Variants in PLEKHA7 observed in about 807,000 individuals in gnomAD.
PLEKHA7 encodes the protein pleckstrin homology domain-containing family A member 7.
A neutral mutation model predicts 170.0 loss-of-function variants in PLEKHA7; 104 were observed. The ratio of observed to expected loss-of-function variants is 0.61; its 90% CI spans 0.52 to 0.72. The LOEUF is 0.72. Ranked by LOEUF, PLEKHA7 falls within the 30% of genes least tolerant of loss-of-function variation. The probability of loss-of-function intolerance (pLI) is 0.00; values close to 1 mark genes in which losing one functional copy is unlikely to be tolerated. For synonymous variants in PLEKHA7, 648 were observed against 660.8 expected (o/e 0.98, Z 0.30); for missense variants, 1,615 against 1,671.7 (o/e 0.97, Z 0.59).
rs1305503283 is a variant in PLEKHA7 at position 16,906,575 on chromosome 11, G to C, written c.222-35393C>G. ...TAACCGCGAGTGATCTGCCAGCCTC[G>C]GCCTCCCGAGGTGCCGGGATGGCAG... On this transcript the variant is annotated intron_variant, in intron 3 of 26. Transcript: ENST00000531066. Among the ~76,000 whole-genome samples, 60 of 138,642 alleles carry C rather than the reference G, an allele frequency of 4.3e-4. 2 individuals carry two copies. Among genetic ancestry groups the C allele is most frequent in the Middle Eastern group, 3.5e-3 (1 of 282 alleles). 91.0% of individuals were successfully genotyped at this position (138,642 alleles called of 152,430 possible).
At chr11:16,929,205 G>A (rs751214090) in intron 3 of PLEKHA7, among the ~76,000 whole-genome samples, 1 of 152,110 alleles carries the variant, frequency 6.6e-6, no homozygotes, top group Non-Finnish European at 1.5e-5. Flanking sequence ...CCCAGTTGGT[G>A]CCCCAACACC....
At chr11:16,925,998 G>C in intron 3 of PLEKHA7, among the ~76,000 whole-genome samples, 1 of 152,252 alleles carries the variant, frequency 6.6e-6, no homozygotes, top group East Asian at 1.9e-4. Context: ...CAGCAGACCT[G>C]TCATCCGTTG....
intron 3 of PLEKHA7, among the ~76,000 whole-genome samples, chr11:16,914,827 A>T (rs1858517596): frequency 6.6e-6 from 1 of 152,186 alleles, no homozygotes; most frequent in Non-Finnish European, 1.5e-5. Flanking sequence ...ACTTGCCTCA[A>T]ATCACACAGA....
chr11:16,942,656 T>C (rs917639671), intron 3 of PLEKHA7, among the ~76,000 whole-genome samples: 21 of 152,166 alleles, frequency 1.4e-4, no homozygotes, highest in African/African-American at 4.8e-4. Context: ...ATAAGGAAGA[T>C]TGTGAATGGT....
At position 16,943,179 on chromosome 11, in the gene PLEKHA7, T is replaced by C. The variant is rs192874270; in HGVS notation, c.221+70810A>G. On this transcript the variant is annotated intron_variant, in intron 3 of 26. Transcript: ENST00000531066. ...AAAAAGAGAAAATCAGTGAAATCAA[T>C]TTTCATAATATATTTTACTTAACCC... Among the ~76,000 whole-genome samples, 3 of 152,344 alleles carry C rather than the reference T, an allele frequency of 2.0e-5. No homozygotes were observed. In the East Asian group the frequency reaches 5.8e-4, roughly 29 times the overall value.
In PLEKHA7 at chr11:16,794,637, G is replaced by A; in HGVS notation, c.2596C>T (p.Pro866Ser). ...STSESKPPPQ[P>S]SPPTSPVRTP... The stretch of plus-strand genomic sequence containing the variant: ...CGCACAGGGCTGGTGGGAGGACTGG[G>A]CTGTGGGGGCGGCTTGCTCTCAGAA... The change falls in exon 19 of 27, where the codon CCC (proline) becomes TCC (serine). Residue 866 changes from proline to serine, a missense_variant. Transcript: ENST00000531066. 3 of 1,614,036 alleles carry A rather than the reference G, an allele frequency of 1.9e-6. No individual in the cohort carries two copies. Among genetic ancestry groups the A allele is most frequent in the Non-Finnish European group, 2.5e-6 (3 of 1,179,982 alleles).
At chr11:16,924,403 G>T (rs1204486736) in intron 3 of PLEKHA7, among the ~76,000 whole-genome samples, 1 of 152,214 alleles carries the variant, frequency 6.6e-6, no homozygotes. Context: ...AGGCACCATG[G>T]CTGGGACAGG....
intron 17 of PLEKHA7, among the ~76,000 whole-genome samples, chr11:16,798,959 T>C (rs1848415035): frequency 6.6e-6 from 1 of 152,210 alleles, no homozygotes; most frequent in South Asian, 2.1e-4. Flanking sequence ...TGAAATAGTA[T>C]GTAACAGTCA....
intron 8 of PLEKHA7, among the ~76,000 whole-genome samples, chr11:16,841,985 G>T (rs574794486): frequency 1.3e-5 from 2 of 152,324 alleles, no homozygotes; most frequent in East Asian, 3.9e-4. Context: ...GGAGTTGGGA[G>T]TGTGCACAAA....
At chr11:16,857,219 C>G (rs1337596700) in intron 4 of PLEKHA7, among the ~76,000 whole-genome samples, 1 of 152,266 alleles carries the variant, frequency 6.6e-6, no homozygotes, top group Non-Finnish European at 1.5e-5. Flanking sequence ...GCCGTGACTA[C>G]TGCACTTTCC....
rs1464960338 is a variant in PLEKHA7 at position 16,789,019 on chromosome 11, T to C, written c.3357+77A>G. ...ACAGCTCTCTCACTGGGAGGTGTGA[T>C]GTGCTTGTGTTTGGGGGACTCTGAG... On this transcript the variant is annotated intron_variant, in intron 23 of 26. Transcript: ENST00000531066. This position sits in a 1 kb window ranked among gnomAD's most constrained non-coding sequence, Gnocchi z 4.6. The C allele has an allele frequency of 1.3e-6, 2 of 1,502,614 alleles. No homozygotes were observed. The allele number at this position is 1,502,614 out of a possible 1,614,324, so 93.1% of individuals were successfully genotyped here.
intron 3 of PLEKHA7, among the ~76,000 whole-genome samples, chr11:16,990,002 T>C (rs1275067129): frequency 5.3e-5 from 8 of 151,890 alleles, no homozygotes; most frequent in African/African-American, 1.9e-4. Context: ...TACTCTCCAT[T>C]GCTCCTGGAG....
At chr11:16,827,191 T>A (rs1850724607) in intron 9 of PLEKHA7, among the ~76,000 whole-genome samples, 1 of 152,182 alleles carries the variant, frequency 6.6e-6, no homozygotes, top group Non-Finnish European at 1.5e-5. Context: ...GATAGCATAA[T>A]TAACACTCTT....
At chr11:16,946,014 C>T (rs1289615489) in intron 3 of PLEKHA7, among the ~76,000 whole-genome samples, 2 of 152,228 alleles carry the variant, frequency 1.3e-5, no homozygotes, top group South Asian at 4.1e-4. Context: ...GAGGGAGCCA[C>T]AGACACAAAC....
rs757167808 is a variant in PLEKHA7, at chr11:16,778,751, C to T, written c.*247G>A. 2.8e-4 allele frequency: 161 copies of T among 565,224 alleles called. No individual in the cohort carries two copies. The highest frequency in any genetic ancestry group is 4.2e-4 in the Non-Finnish European group (131 of 315,482). 35.0% of individuals were successfully genotyped at this position (565,224 alleles called of 1,614,324 possible). ...GAAAATAGATTCCGATTCTAAAATACAGTGTATTTTACAGTGTATATCAAA... is the reference window on the plus strand; with the variant it reads ...GAAAATAGATTCCGATTCTAAAATATAGTGTATTTTACAGTGTATATCAAA... On this transcript the variant is annotated 3_prime_UTR_variant, in exon 27 of 27. Coordinates refer to ENST00000531066, the MANE Select transcript of PLEKHA7 (RefSeq NM_001329630.2).
At chr11:16,989,384 T>C (rs890623465) in intron 3 of PLEKHA7, among the ~76,000 whole-genome samples, 1 of 152,164 alleles carries the variant, frequency 6.6e-6, no homozygotes, top group Non-Finnish European at 1.5e-5. Context: ...AGCTACAAAA[T>C]GGAGAAAATT....
chr11:16,879,495 T>C (rs995736073), intron 3 of PLEKHA7, among the ~76,000 whole-genome samples: 6 of 152,076 alleles, frequency 3.9e-5, no homozygotes, highest in South Asian at 2.1e-4. Flanking sequence ...CTGGAGAGCA[T>C]AGAGCAGGGC....
At chr11:16,993,630 C>T (rs1490299219) in intron 3 of PLEKHA7, among the ~76,000 whole-genome samples, 1 of 152,190 alleles carries the variant, frequency 6.6e-6, no homozygotes, top group Non-Finnish European at 1.5e-5. Context: ...ACCATAAAAA[C>T]TGCCCCAGCT....
At chr11:16,831,623 C>T (rs1383612491) in intron 9 of PLEKHA7, among the ~76,000 whole-genome samples, 1 of 152,230 alleles carries the variant, frequency 6.6e-6, no homozygotes, top group South Asian at 2.1e-4. Flanking sequence ...ATATGTGTCA[C>T]TTTTTGAAAA....
Sources: allele counts gnomAD v4.1 joint callset (sites outside exome capture counted in the v4.1 genomes callset), GRCh38; gene constraint gnomAD v4.1.1; non-coding constraint Gnocchi (gnomAD v3.1); transcripts MANE v1.5; gene names NCBI Gene and HGNC (gene_info 2026-07-23, HGNC 2026-07-21).